Variants in IRAK1BP1 observed in about 807,000 individuals in gnomAD.
The protein encoded by IRAK1BP1 is interleukin-1 receptor-associated kinase 1-binding protein 1.
A neutral mutation model predicts 28.0 loss-of-function variants in IRAK1BP1; 24 were observed. That is an observed-to-expected ratio of 0.86 (90% CI 0.62 to 1.20). IRAK1BP1 has a LOEUF of 1.20. Ranked by LOEUF, IRAK1BP1 falls within the 50% of genes most tolerant of loss-of-function variation. The probability of loss-of-function intolerance (pLI) is 0.00; values close to 1 mark genes in which losing one functional copy is unlikely to be tolerated. For synonymous variants in IRAK1BP1, 131 were observed against 116.3 expected, an observed-to-expected ratio of 1.13 and a Z score of -0.81; for missense variants, 336 against 316.7, an observed-to-expected ratio of 1.06 and a Z score of -0.46.
At chr6:78,970,824 C>G in the IRAK1BP1 span, 1 of 1,611,682 alleles carries the variant, frequency 6.2e-7, no homozygotes, top group Non-Finnish European at 8.5e-7. Context: ...GGGATTGATA[C>G]TATATATTTT....
intron 2 of IRAK1BP1, among the ~76,000 whole-genome samples, chr6:78,887,151 G>A (rs1771457969): frequency 6.6e-6 from 1 of 152,174 alleles, no homozygotes; most frequent in South Asian, 2.1e-4. Context: ...TATGGAATGA[G>A]ATTAGATGGT....
intron 2 of IRAK1BP1, among the ~76,000 whole-genome samples, chr6:78,892,712 A>G (rs1414805302): frequency 6.6e-6 from 1 of 152,188 alleles, no homozygotes; most frequent in Non-Finnish European, 1.5e-5. Context: ...TTAAGGAGGG[A>G]TGTGCAAGAT....
At chr6:78,965,881 A>G in the IRAK1BP1 span, 1 of 1,280,384 alleles carries the variant, frequency 7.8e-7, no homozygotes, top group African/African-American at 1.5e-5. Context: ...TTATCTCTTA[A>G]TAGATGGAAA....
At chr6:78,963,086 G>C in the IRAK1BP1 span, 8 of 1,569,884 alleles carry the variant, frequency 5.1e-6, no homozygotes, top group Non-Finnish European at 6.9e-6. Context: ...CTCGCGTGTT[G>C]CTTTACTTAC....
downstream of IRAK1BP1, among the ~76,000 whole-genome samples, chr6:78,948,482 G>A (rs887961877): frequency 6.6e-6 from 1 of 151,882 alleles, no homozygotes; most frequent in African/African-American, 2.4e-5. Flanking sequence ...TTTTTTAGCA[G>A]GGACAAAGAG....
chr6:78,891,608 C>T (rs1055340998), intron 2 of IRAK1BP1, among the ~76,000 whole-genome samples: 2 of 151,902 alleles, frequency 1.3e-5, no homozygotes, highest in African/African-American at 4.8e-5. Context: ...ATTACAGGCT[C>T]CTGCCACCAC....
chr6:78,893,314 G>GTATATA (rs60728695), intron 2 of IRAK1BP1, among the ~76,000 whole-genome samples: 5,183 of 102,698 alleles, frequency 0.05, 269 homozygotes, highest in South Asian at 0.082. Flanking sequence ...GTGTGTGTGT[G>GTATATA]TATATATATA....
At position 78,867,674 on chromosome 6, in the gene IRAK1BP1, C is replaced by G. The variant is rs775510630; in HGVS notation, c.98C>G (p.Thr33Arg). ...RENNLASGRE[T>R]LPGLRHPLSS... ...AACAACCTGGCCTCAGGGAGAGAGACGCTACCGGGCTTACGCCACCCCCTC... is the reference window on the plus strand; with the variant it reads ...AACAACCTGGCCTCAGGGAGAGAGAGGCTACCGGGCTTACGCCACCCCCTC... The change falls in exon 1 of 4, where the codon ACG becomes AGG. Residue 33 changes from threonine to arginine, a missense_variant. Transcript: ENST00000369940. 1 of 1,614,228 alleles carries G rather than the reference C, an allele frequency of 6.2e-7. No homozygotes were observed. The highest frequency in any genetic ancestry group is 1.3e-5 in the African/African-American group (1 of 75,062).
chr6:78,873,129 G>A lies in IRAK1BP1; in HGVS notation c.315+5238G>A, dbSNP rs138975748. Among the ~76,000 whole-genome samples, 957 of 151,376 alleles carry A rather than the reference G, an allele frequency of 6.3e-3. 19 individuals carry two copies. The highest frequency in any genetic ancestry group is 0.022 in the African/African-American group (900 of 41,284). On this transcript the variant is annotated intron_variant, in intron 1 of 3. Transcript: ENST00000369940. ...AAATTAGCCAGGCATGGTGGTGGGC[G>A]CCTGTGTCTCAGCTACTCCGGAGGC...
At chr6:78,874,784 G>C (rs1239351658) in intron 1 of IRAK1BP1, among the ~76,000 whole-genome samples, 1 of 152,096 alleles carries the variant, frequency 6.6e-6, no homozygotes, top group African/African-American at 2.4e-5. Flanking sequence ...TTGTTTTTCT[G>C]TAAAGTTTTT....
chr6:78,868,926 A>T (rs181280914), intron 1 of IRAK1BP1, among the ~76,000 whole-genome samples: 1 of 152,356 alleles, frequency 6.6e-6, no homozygotes, highest in East Asian at 1.9e-4. Context: ...CTTCCAGTCT[A>T]TTGCAAGAAA....
Position 78,902,927 on chromosome 6 carries a change from T to G in IRAK1BP1, c.*4593T>G. 2.4e-6 allele frequency: 2 copies of G among 820,110 alleles called. No homozygotes were observed. The highest frequency in any genetic ancestry group is 2.7e-5 in the East Asian group (1 of 37,592). 50.8% of individuals were successfully genotyped at this position (820,110 alleles called of 1,614,324 possible). On this transcript the variant is annotated 3_prime_UTR_variant, in exon 4 of 4. Coordinates refer to ENST00000369940, the MANE Select transcript of IRAK1BP1 (RefSeq NM_001010844.4). The stretch of plus-strand genomic sequence containing the variant: ...AATAGAAATCTTTCAAGAAGGATTG[T>G]TTTCTACTATTAAAACAATAAAACT...
At chr6:78,923,264 GT>G (rs1772792452) in intron 4 of IRAK1BP1, among the ~76,000 whole-genome samples, 1 of 152,000 alleles carries the variant, frequency 6.6e-6, no homozygotes, top group South Asian at 2.1e-4. Context: ...AAGGGCAGGG[GT>G]TTCAATCCTA....
the IRAK1BP1 span, chr6:78,965,588 A>C: frequency 3.1e-6 from 2 of 639,342 alleles, no homozygotes; most frequent in Non-Finnish European, 5.6e-6. Context: ...TTGCCAAATG[A>C]ATGTTTTCTA....
At chr6:78,891,670 C>T (rs948414687) in intron 2 of IRAK1BP1, among the ~76,000 whole-genome samples, 4 of 152,056 alleles carry the variant, frequency 2.6e-5, no homozygotes, top group Admixed American at 6.5e-5. Context: ...CCATGTTGGC[C>T]GGGCTGGTCT....
At chr6:78,884,054 A>G (rs754496212) in intron 1 of IRAK1BP1, among the ~76,000 whole-genome samples, 8 of 152,258 alleles carry the variant, frequency 5.3e-5, no homozygotes, top group Non-Finnish European at 7.4e-5. Flanking sequence ...TTTGTACTTA[A>G]CCTGTATTCT....
At position 78,871,060 on chromosome 6, in the gene IRAK1BP1, A is replaced by G. The variant is rs180724981; in HGVS notation, c.315+3169A>G. ...GTCTTAGTTTGTTTGGTCTGCTGTA[A>G]TGAAAAACCATAGCCTGGGTAGCTT... On this transcript the variant is annotated intron_variant, in intron 1 of 3. Transcript: ENST00000369940. Among the ~76,000 whole-genome samples, 31 of 152,158 alleles carry G rather than the reference A, an allele frequency of 2.0e-4. No individual in the cohort carries two copies. The East Asian group carries it at 3.5e-3, about 17-fold the overall frequency.
At chr6:78,878,845 G>A (rs1256326903) in intron 1 of IRAK1BP1, among the ~76,000 whole-genome samples, 6 of 152,138 alleles carry the variant, frequency 3.9e-5, no homozygotes, top group Admixed American at 6.5e-5. Flanking sequence ...CAAGAACTAC[G>A]TGACGCATGC....
the IRAK1BP1 span, chr6:78,954,928 G>C: frequency 2.5e-6 from 4 of 1,577,858 alleles, no homozygotes; most frequent in Non-Finnish European, 8.6e-7. Flanking sequence ...CGTAAGACTG[G>C]GCTCTATTAC....
Sources: allele counts gnomAD v4.1 joint callset (sites outside exome capture counted in the v4.1 genomes callset), GRCh38; gene constraint gnomAD v4.1.1; transcripts MANE v1.5; gene names NCBI Gene and HGNC (gene_info 2026-07-23, HGNC 2026-07-21).